Variants in FREM1 observed in about 807,000 individuals in gnomAD.
FREM1 encodes the protein FRAS1-related extracellular matrix protein 1.
In FREM1, 220 loss-of-function variants were observed where a neutral mutation model predicts 210.1. The observed-to-expected ratio is 1.05, with a 90% CI of 0.94 to 1.17. FREM1 has a LOEUF of 1.17. Among genes scored for constraint, FREM1 ranks in the 50% most tolerant of loss-of-function variants. The pLI is 0.00. For missense variants in FREM1, 3,454 were observed against 2,675.5 expected (o/e 1.29, Z -6.42); for synonymous variants, 1,189 against 980.2 (o/e 1.21, Z -3.98).
rs201034317 is a variant in FREM1 at position 14,775,996 on chromosome 9, G to A, written c.4650C>T (p.Pro1550=). The change falls in exon 25 of 37, where the codon CCC becomes CCT. Residue 1550 remains proline (P), a synonymous_variant. Coordinates refer to ENST00000380880, the MANE Select transcript of FREM1 (RefSeq NM_001379081.2). ...ENLTFLLVQL[P]QHGQLYLWGT... ...CCCACAGGTAGAGCTGGCCATGCTG[G>A]GGGAGCTGAACCAAGAGGAAGGTGA... 1.2e-5 allele frequency: 19 copies of A among 1,614,026 alleles called. No homozygotes were observed. The African/African-American group carries it at 2.5e-4, about 22-fold the overall frequency.
intron 2 of FREM1, among the ~76,000 whole-genome samples, chr9:14,867,465 A>C (rs930839166): frequency 4.6e-5 from 7 of 152,124 alleles, no homozygotes; most frequent in African/African-American, 1.7e-4. Context: ...CTGACGATAA[A>C]ATCTTACAAG....
chr9:14,875,708 T>C (rs1340772026), intron 1 of FREM1, among the ~76,000 whole-genome samples: 1 of 152,210 alleles, frequency 6.6e-6, no homozygotes, highest in Admixed American at 6.5e-5. Context: ...CTTTGTTCCG[T>C]TGCTGGTGAG....
intron 10 of FREM1, among the ~76,000 whole-genome samples, chr9:14,830,118 C>A (rs906620383): frequency 6.6e-6 from 1 of 152,044 alleles, no homozygotes; most frequent in Non-Finnish European, 1.5e-5. Context: ...AGAAATAGCA[C>A]TGGATAGTTT....
At chr9:14,794,729 G>C (rs554403188) in intron 21 of FREM1, among the ~76,000 whole-genome samples, 2 of 152,340 alleles carry the variant, frequency 1.3e-5, no homozygotes, top group African/African-American at 4.8e-5. Flanking sequence ...GCCGGGCGCA[G>C]TGCCTCATGC....
rs1377550678 is a variant in FREM1, at chr9:14,756,363, A to G, written c.5407+11T>C. On this transcript the variant is annotated intron_variant, in intron 29 of 36. Transcript: ENST00000380880. The stretch of plus-strand genomic sequence containing the variant: ...AAAACACATAAAACAAACTGCAGAC[A>G]CAAAATGTACCTGGGTCAAACTGAA... 3 of 1,573,210 alleles carry G rather than the reference A, an allele frequency of 1.9e-6. No homozygotes were observed. Among genetic ancestry groups the G allele is most frequent in the Non-Finnish European group, 2.6e-6 (3 of 1,157,912 alleles).
intron 3 of FREM1, among the ~76,000 whole-genome samples, chr9:14,860,452 T>A (rs868775594): frequency 2.0e-5 from 3 of 151,606 alleles, no homozygotes; most frequent in Non-Finnish European, 4.4e-5. Context: ...AAGGAAGGAG[T>A]AGAAGAAGCA....
At chr9:14,894,384 C>T (rs1837343807) in intron 1 of FREM1, among the ~76,000 whole-genome samples, 1 of 152,194 alleles carries the variant, frequency 6.6e-6, no homozygotes, top group Admixed American at 6.5e-5. Context: ...CATCCACTGA[C>T]AATTGTTGTC....
chr9:14,743,103 G>A (rs1281110529), intron 35 of FREM1, among the ~76,000 whole-genome samples: 1 of 152,094 alleles, frequency 6.6e-6, no homozygotes, highest in Non-Finnish European at 1.5e-5. Flanking sequence ...TATTGACAAG[G>A]AGGCATGTAG....
At position 14,869,532 on chromosome 9, in the gene FREM1, T is replaced by C. The variant is rs554994632; in HGVS notation, c.-267-288A>G. 8.3e-4 allele frequency among the ~76,000 whole-genome samples: 126 copies of C among 152,362 alleles called. 1 individual carries two copies. Among genetic ancestry groups the C allele is most frequent in the Non-Finnish European group, 1.4e-3 (96 of 68,020 alleles). ...GTCCAGGAGGAAACAGCCAGCCTTA[T>C]TGCCAACAAGTGTGGCTTTTGTTCA... On this transcript the variant is annotated intron_variant, in intron 1 of 36. Coordinates refer to ENST00000380880, the MANE Select transcript of FREM1 (RefSeq NM_001379081.2).
Position 14,789,045 on chromosome 9 carries a change from G to C in FREM1, c.4051C>G (p.Leu1351Val), listed in dbSNP as rs376468513. 2 of 1,609,730 alleles carry C rather than the reference G, an allele frequency of 1.2e-6. No individual in the cohort carries two copies. The highest frequency in any genetic ancestry group is 1.3e-5 in the African/African-American group (1 of 74,862). The change falls in exon 23 of 37, where the codon CTG becomes GTG. Residue 1351 changes from leucine (L) to valine (V), a missense_variant. Leu to Val is a conservative substitution (Grantham distance 32). Transcript: ENST00000380880. ...CTQEEVDLNL[L>V]RYTHTGAMDS... ...ATTGCCCCGGTGTGTGTGTATCTCA[G>C]CAAGTTCAGATCCACTTCCTCCTGA...
At chr9:14,845,856 G>A (rs533022991) in intron 8 of FREM1, 104 bp downstream of exon 8, 1 of 1,167,926 alleles carries the variant, frequency 8.6e-7, no homozygotes, top group Non-Finnish European at 1.2e-6. Flanking sequence ...CAATTTCATT[G>A]AGAAATTGGG....
At chr9:14,853,159 C>G (rs150120075) in intron 5 of FREM1, among the ~76,000 whole-genome samples, 1 of 152,184 alleles carries the variant, frequency 6.6e-6, no homozygotes, top group East Asian at 1.9e-4. Flanking sequence ...GAAACACACA[C>G]AGAGAGCTGA....
At chr9:14,809,227 A>G (rs1215992888) in intron 16 of FREM1, among the ~76,000 whole-genome samples, 2 of 152,214 alleles carry the variant, frequency 1.3e-5, no homozygotes, top group African/African-American at 4.8e-5. Context: ...GCCTTCTGCC[A>G]TGATCATGAG....
At chr9:14,841,785 T>C (rs1056209680) in intron 9 of FREM1, among the ~76,000 whole-genome samples, 196 bp from the exon 10 acceptor site, 2 of 152,180 alleles carry the variant, frequency 1.3e-5, no homozygotes, top group African/African-American at 4.8e-5. Flanking sequence ...AAAACTAAAG[T>C]CACTATATCT....
chr9:14,848,293 T>C (rs535792913), intron 7 of FREM1, among the ~76,000 whole-genome samples: 2 of 152,340 alleles, frequency 1.3e-5, no homozygotes, highest in East Asian at 3.9e-4. Flanking sequence ...AAATAGACTA[T>C]AGATTATAAA....
At chr9:14,879,279 A>G (rs1255896643) in intron 1 of FREM1, among the ~76,000 whole-genome samples, 1 of 150,940 alleles carries the variant, frequency 6.6e-6, no homozygotes. Context: ...GGATATATGG[A>G]AAAAGTCCAT....
In FREM1 at chr9:14,750,528, TA is replaced by T. The variant is rs370613322; in HGVS notation, c.5408-253del. 1.7e-3 allele frequency among the ~76,000 whole-genome samples: 254 copies of T among 149,046 alleles called. 2 individuals are homozygous for T. Among genetic ancestry groups the T allele is most frequent in the Admixed American group, 6.8e-3 (101 of 14,960 alleles). On this transcript the variant is annotated intron_variant, in intron 29 of 36. Transcript: ENST00000380880. Reference sequence around the variant, plus strand: ...AAAGTAAGCTGCAGTATGCAAGGGATAAAAAAAAAATGGTTATTAGATGAGA... The same window carrying T: ...AAAGTAAGCTGCAGTATGCAAGGGATAAAAAAAAATGGTTATTAGATGAGA...
At chr9:14,900,522 C>G (rs1265014333) in intron 1 of FREM1, among the ~76,000 whole-genome samples, 1 of 152,016 alleles carries the variant, frequency 6.6e-6, no homozygotes, top group Non-Finnish European at 1.5e-5. Flanking sequence ...GATGCCGCCT[C>G]CAAGAACAGC....
intron 10 of FREM1, 114 bp downstream of exon 10, chr9:14,841,333 T>C: frequency 1.2e-6 from 1 of 849,144 alleles, no homozygotes; most frequent in Non-Finnish European, 1.7e-6. Context: ...TTTAATCGAT[T>C]GTTTTTCAAA....
Sources: allele counts gnomAD v4.1 joint callset (sites outside exome capture counted in the v4.1 genomes callset), GRCh38; gene constraint gnomAD v4.1.1; transcripts MANE v1.5; gene names NCBI Gene and HGNC (gene_info 2026-07-23, HGNC 2026-07-21).